The following ADGRV1 variants were observed in gnomAD, a reference collection of about 807,000 sequenced individuals.
ADGRV1 encodes adhesion G protein-coupled receptor V1.
A neutral mutation model predicts 596.2 loss-of-function variants in ADGRV1; 359 were observed. The ratio of observed to expected loss-of-function variants is 0.60; its 90% CI spans 0.55 to 0.66. ADGRV1 has a LOEUF of 0.66. Among genes scored for constraint, ADGRV1 ranks in the 30% least tolerant of loss-of-function variants. The probability of loss-of-function intolerance (pLI) is 0.00; values close to 1 mark genes in which losing one functional copy is unlikely to be tolerated. For synonymous variants in ADGRV1, 2,681 were observed against 2,679.2 expected, an observed-to-expected ratio of 1.00 and a Z score of -0.02; for missense variants, 7,274 against 7,575.6, an observed-to-expected ratio of 0.96 and a Z score of 1.48.
At chr5:90,605,193 G>C (rs1001819846) in intron 1 of ADGRV1, among the ~76,000 whole-genome samples, 4 of 152,152 alleles carry the variant, frequency 2.6e-5, no homozygotes, top group African/African-American at 9.7e-5. Flanking sequence ...GAGGCAGGCG[G>C]ATCATGAGGT....
intron 14 of ADGRV1, 82 bp from the exon 15 acceptor site, chr5:90,644,620 TTTTG>T: frequency 2.9e-6 from 3 of 1,036,280 alleles, no homozygotes; most frequent in African/African-American, 1.7e-5. Context: ...TTGTTTTTAT[TTTTG>T]TTTATTTAAC....
At chr5:91,027,144 A>AAAACAC (rs1293666345) in intron 85 of ADGRV1, among the ~76,000 whole-genome samples, 1 of 129,128 alleles carries the variant, frequency 7.7e-6, no homozygotes, top group African/African-American at 2.9e-5. Flanking sequence ...ACAGTCTCAA[A>AAAACAC]ACACACACAC....
Position 90,697,095 on chromosome 5 carries a change from G to A in ADGRV1, c.8104G>A (p.Ala2702Thr). Residue 2702 changes from alanine to threonine, a missense_variant, in exon 34 of 90, where the codon GCA becomes ACA. Coordinates refer to ENST00000405460, the MANE Select transcript of ADGRV1 (RefSeq NM_032119.4). Reference protein sequence around the residue: ...RVNILANDNVAGIVSFQTASR... With the variant: ...RVNILANDNVTGIVSFQTASR... ...GAACATTTTGGCCAATGACAATGTGGCAGGAATTGTTAGCTTTCAGACAGC... is the reference window on the plus strand; with the variant it reads ...GAACATTTTGGCCAATGACAATGTGACAGGAATTGTTAGCTTTCAGACAGC... 6.2e-7 allele frequency: 1 copy of A among 1,613,382 alleles called. No individual in the cohort carries two copies. The highest frequency in any genetic ancestry group is 2.2e-5 in the East Asian group (1 of 44,862).
chr5:91,151,713 G>A (rs997792093), intron 88 of ADGRV1, among the ~76,000 whole-genome samples: 4 of 152,068 alleles, frequency 2.6e-5, no homozygotes, highest in Non-Finnish European at 5.9e-5. Flanking sequence ...CTAAAGTTAG[G>A]CAACATTAAA....
rs1364096790 is a variant in ADGRV1 at position 91,072,512 on chromosome 5, T to C, written c.18218T>C (p.Val6073Ala). The change falls in exon 86 of 90, where the codon GTG becomes GCG. Residue 6073 changes from valine (V) to alanine (A), a missense_variant. Around this residue, in one of 5 missense-constraint regions of ADGRV1, gnomAD observed 1,874 missense variants for 1,970.2 expected, o/e 0.95. Transcript: ENST00000405460. ...GCTCTTGTTCCTTTGACGTGCCTCG[T>C]GGTGGTGTTCGTGGTGTTCATCCAT... ...TAALVPLTCL[V>A]VVFVVFIHAY... 5 of 1,613,786 alleles carry C rather than the reference T, an allele frequency of 3.1e-6. No homozygotes were observed. The South Asian group carries it at 4.4e-5, about 14-fold the overall frequency.
Position 91,072,572 on chromosome 5 carries a change from A to G in ADGRV1, c.18278A>G (p.Asp6093Gly). 6.2e-7 allele frequency: 1 copy of G among 1,613,850 alleles called. No homozygotes were observed. The highest frequency in any genetic ancestry group is 8.5e-7 in the Non-Finnish European group (1 of 1,179,768). The change falls in exon 86 of 90, where the codon GAT (aspartate) becomes GGT (glycine). Residue 6093 changes from aspartate (D) to glycine (G), a missense_variant. Transcript: ENST00000405460. ...YQVKPQWKAY[D>G]DVFRGRTNAA... Reference sequence around the variant, plus strand: ...GTGAAGCCACAGTGGAAAGCATATGATGATGTCTTCAGAGGAAGGACAAAT... The same window carrying G: ...GTGAAGCCACAGTGGAAAGCATATGGTGATGTCTTCAGAGGAAGGACAAAT...
chr5:90,751,395 G>A (rs543262168), intron 53 of ADGRV1, among the ~76,000 whole-genome samples: 2 of 152,266 alleles, frequency 1.3e-5, no homozygotes, highest in African/African-American at 4.8e-5. Flanking sequence ...ACAGTTTGCT[G>A]TAGGAAAGGG....
intron 85 of ADGRV1, among the ~76,000 whole-genome samples, chr5:91,021,855 T>C (rs1167369597): frequency 6.6e-6 from 1 of 152,076 alleles, no homozygotes; most frequent in Non-Finnish European, 1.5e-5. Flanking sequence ...CTAGAACAGC[T>C]GTAACATTTG....
chr5:90,688,578 A>G (rs957351121), intron 29 of ADGRV1, among the ~76,000 whole-genome samples: 7 of 152,076 alleles, frequency 4.6e-5, no homozygotes, highest in Non-Finnish European at 7.4e-5. Flanking sequence ...GATGGTCTCG[A>G]TCTCTTGACC....
intron 85 of ADGRV1, among the ~76,000 whole-genome samples, chr5:90,993,725 G>A (rs907408448): frequency 3.3e-5 from 5 of 151,796 alleles, no homozygotes; most frequent in Non-Finnish European, 5.9e-5. Context: ...TCTAGGTGTG[G>A]GTCTCTCGGA....
intron 87 of ADGRV1, among the ~76,000 whole-genome samples, chr5:91,139,915 G>T (rs7726939): frequency 0.021 from 3,202 of 152,300 alleles, 118 homozygotes; most frequent in African/African-American, 0.073. Context: ...TGGCTTCCCT[G>T]ATATAGTTGT....
intron 72 of ADGRV1, among the ~76,000 whole-genome samples, chr5:90,806,216 G>C (rs569045857): frequency 5.9e-5 from 9 of 152,298 alleles, no homozygotes; most frequent in African/African-American, 2.2e-4. Context: ...GGCTAGGCCA[G>C]TGAAAATGAC....
intron 23 of ADGRV1, chr5:90,674,512 CTTTAA>C: frequency 4.2e-6 from 1 of 238,528 alleles, no homozygotes; most frequent in Non-Finnish European, 7.9e-6. Flanking sequence ...TATCAAATTT[CTTTAA>C]TTTAATAATT....
At chr5:90,731,925 C>T (rs1274841528) in intron 50 of ADGRV1, among the ~76,000 whole-genome samples, 4 of 152,042 alleles carry the variant, frequency 2.6e-5, no homozygotes, top group Non-Finnish European at 5.9e-5. Context: ...AGAAGAGTGG[C>T]ATTGGTTTTA....
At chr5:91,063,361 T>C (rs927939160) in intron 85 of ADGRV1, among the ~76,000 whole-genome samples, 1 of 152,206 alleles carries the variant, frequency 6.6e-6, no homozygotes, top group African/African-American at 2.4e-5. Flanking sequence ...CCACAAAATA[T>C]CTCGCTTTTA....
chr5:90,943,177 C>T (rs1776301720), intron 83 of ADGRV1, among the ~76,000 whole-genome samples: 1 of 125,552 alleles, frequency 8.0e-6, no homozygotes, highest in Admixed American at 1.1e-4. Flanking sequence ...CTGCCTCTAG[C>T]CAGTGGTGGT....
intron 74 of ADGRV1, 71 bp downstream of exon 74, chr5:90,811,409 C>A: frequency 1.5e-6 from 2 of 1,354,818 alleles, no homozygotes; most frequent in Non-Finnish European, 9.9e-7. Context: ...GTGAATCTAG[C>A]TTAAATTTAA....
intron 86 of ADGRV1, among the ~76,000 whole-genome samples, chr5:91,085,325 G>A (rs1197287129): frequency 6.6e-6 from 1 of 152,136 alleles, no homozygotes; most frequent in Non-Finnish European, 1.5e-5. Flanking sequence ...TCTTTTGTCA[G>A]CCAATTAGTG....
At chr5:90,957,856 T>TATGAAAG (rs1777620614) in intron 83 of ADGRV1, among the ~76,000 whole-genome samples, 1 of 151,654 alleles carries the variant, frequency 6.6e-6, no homozygotes, top group Non-Finnish European at 1.5e-5. Context: ...AGTAGTATAC[T>TATGAAAG]ACCAACCAAT....
Sources: gnomAD v4.1 joint callset for allele counts (sites outside exome capture counted in the v4.1 genomes callset) on GRCh38, gnomAD v4.1.1 for gene constraint, gnomAD v4.1.1 regional missense constraint, MANE v1.5 for transcripts, NCBI Gene and HGNC (gene_info 2026-07-23, HGNC 2026-07-21) for gene names.